The following SLC36A4 variants were observed in gnomAD, a reference collection of about 807,000 sequenced individuals.
SLC36A4 encodes solute carrier family 36 member 4, also known as neutral amino acid uniporter 4.
A neutral mutation model predicts 50.5 loss-of-function variants in SLC36A4; 49 were observed. The ratio of observed to expected loss-of-function variants is 0.97; its 90% CI spans 0.77 to 1.23. SLC36A4 has a LOEUF of 1.23. Among genes scored for constraint, SLC36A4 ranks in the 50% most tolerant of loss-of-function variants. The pLI is 0.00. For missense variants in SLC36A4, 611 were observed against 608.4 expected (o/e 1.00, Z -0.05); for synonymous variants, 207 against 206.5 (o/e 1.00, Z -0.02).
chr11:93,175,335 T>G lies in SLC36A4; in HGVS notation c.540+5462A>C, dbSNP rs1454410406. Among the ~76,000 whole-genome samples, 15 of 150,300 alleles carry G rather than the reference T, an allele frequency of 1.0e-4. No homozygotes were observed. In the East Asian group the frequency reaches 2.6e-3, roughly 26 times the overall value. On this transcript the variant is annotated intron_variant, in intron 6 of 10. Transcript: ENST00000326402. ...TTATTGCGTCTATTTGATTCTTCTC[T>G]CTTTTTTTCTTTATTAGTCTTGCTA... is the stretch of plus-strand genomic sequence containing the variant.
chr11:93,152,089 A>G (rs1447462598), intron 10 of SLC36A4: 1 of 152,112 alleles, frequency 6.6e-6, no homozygotes, highest in Non-Finnish European at 1.5e-5. Flanking sequence ...GACACAACCA[A>G]CATAATCCAA....
At chr11:93,195,828 T>C (rs1237313839) in intron 1 of SLC36A4, among the ~76,000 whole-genome samples, 2 of 152,200 alleles carry the variant, frequency 1.3e-5, no homozygotes, top group Admixed American at 6.5e-5. Flanking sequence ...TTTACTCAAA[T>C]TGTACCTTTT....
At chr11:93,156,344 AT>A (rs979892338) in intron 9 of SLC36A4, among the ~76,000 whole-genome samples, 9 of 148,052 alleles carry the variant, frequency 6.1e-5, no homozygotes, top group Admixed American at 2.0e-4. Flanking sequence ...AATGTTGAGC[AT>A]TTTTTTTTCA....
At chr11:93,158,956 G>A (rs372266097) in intron 9 of SLC36A4, among the ~76,000 whole-genome samples, 8 of 152,050 alleles carry the variant, frequency 5.3e-5, no homozygotes, top group East Asian at 1.9e-4. Context: ...AAAACTCCTC[G>A]CTGCCAAAGC....
chr11:93,150,506 T>C (rs112929044), intron 10 of SLC36A4, among the ~76,000 whole-genome samples: 1,726 of 152,170 alleles, frequency 0.011, 13 homozygotes, highest in Non-Finnish European at 0.018. Flanking sequence ...ATTCAAATTA[T>C]TATGAAAGCT....
At chr11:93,188,409 C>T (rs373715205) in intron 1 of SLC36A4, among the ~76,000 whole-genome samples, 2 of 152,310 alleles carry the variant, frequency 1.3e-5, no homozygotes, top group East Asian at 3.9e-4. Flanking sequence ...AATAACGTAA[C>T]TAATATGTGT....
At chr11:93,162,945 A>G (rs1860697990) in intron 8 of SLC36A4, 70 bp from the exon 9 acceptor site, 29 of 1,448,884 alleles carry the variant, frequency 2.0e-5, no homozygotes. Context: ...TCTCTTATAC[A>G]TACAAATTGG....
intron 6 of SLC36A4, among the ~76,000 whole-genome samples, chr11:93,172,942 G>C (rs1861249708): frequency 6.6e-6 from 1 of 150,958 alleles, no homozygotes; most frequent in South Asian, 2.1e-4. Flanking sequence ...ATGATTTATA[G>C]TCCTTTGGGT....
chr11:93,165,632 G>A (rs1860826206), intron 8 of SLC36A4, among the ~76,000 whole-genome samples: 1 of 151,852 alleles, frequency 6.6e-6, no homozygotes, highest in Non-Finnish European at 1.5e-5. Context: ...ATTTTGTATA[G>A]GTTTGAAATT....
chr11:93,160,564 C>A, intron 9 of SLC36A4: 1 of 985,362 alleles, frequency 1.0e-6, no homozygotes, highest in Non-Finnish European at 1.2e-6. Context: ...GTGTCACCCT[C>A]CAAGATTGAG....
In SLC36A4 at chr11:93,148,495, C is replaced by T; in HGVS notation, c.*42G>A. On this transcript the variant is annotated 3_prime_UTR_variant, in exon 11 of 11. Coordinates refer to ENST00000326402, the MANE Select transcript of SLC36A4 (RefSeq NM_152313.4). ...TTTTACTAGTTATCTTGATAATTTT[C>T]AGAAATGGGACAAAAATAGAAGACT... is the stretch of plus-strand genomic sequence containing the variant. The T allele has an allele frequency of 6.5e-7, 1 of 1,542,880 alleles. No individual in the cohort carries two copies. Among genetic ancestry groups the T allele is most frequent in the Non-Finnish European group, 8.8e-7 (1 of 1,138,996 alleles).
intron 7 of SLC36A4, 87 bp downstream of exon 7, chr11:93,167,857 G>A (rs1373339612): frequency 2.6e-6 from 2 of 767,364 alleles, no homozygotes; most frequent in Non-Finnish European, 4.4e-6. Flanking sequence ...AGGGGTCTTT[G>A]CATATCATTA....
At chr11:93,155,161 T>C (rs1860293228) in intron 9 of SLC36A4, 1 of 152,074 alleles carries the variant, frequency 6.6e-6, no homozygotes, top group Non-Finnish European at 1.5e-5. Flanking sequence ...AAAATTAATA[T>C]GCTGTATTTA....
At chr11:93,184,397 A>G (rs1565236389) in intron 3 of SLC36A4, 33 bp downstream of exon 3, 2 of 1,323,082 alleles carry the variant, frequency 1.5e-6, no homozygotes, top group Non-Finnish European at 2.2e-6. Context: ...TGAGAACTGC[A>G]TCTTAACTGG....
Position 93,163,833 on chromosome 11 carries a change from T to A in SLC36A4, c.868-958A>T, listed in dbSNP as rs192288033. On this transcript the variant is annotated intron_variant, in intron 8 of 10. Coordinates refer to ENST00000326402, the MANE Select transcript of SLC36A4 (RefSeq NM_152313.4). ...TAGCATGACCCTATGTATTTTTTTT[T>A]AAATATTGAATTACAATCCAAAATT... Among the ~76,000 whole-genome samples the A allele has an allele frequency of 8.1e-4, 123 of 151,814 alleles. 5 individuals carry two copies. The highest frequency in any genetic ancestry group is 7.8e-3 in the Admixed American group (119 of 15,232).
intron 9 of SLC36A4, chr11:93,159,731 A>G: frequency 7.7e-6 from 6 of 782,772 alleles, no homozygotes; most frequent in Non-Finnish European, 7.8e-6. Flanking sequence ...AGTATTACTC[A>G]TAACTAATTT....
intron 6 of SLC36A4, among the ~76,000 whole-genome samples, chr11:93,172,418 C>G (rs532980451): frequency 1.5e-4 from 23 of 151,694 alleles, no homozygotes; most frequent in African/African-American, 5.6e-4. Flanking sequence ...CTCTTCCCCC[C>G]AAGTCCCCAA....
At chr11:93,160,234 C>T in intron 9 of SLC36A4, 2 of 985,412 alleles carry the variant, frequency 2.0e-6, no homozygotes, top group African/African-American at 1.7e-5. Flanking sequence ...AGACTATAGG[C>T]TGCATAGGGC....
chr11:93,183,938 T>C (rs1456164885), intron 3 of SLC36A4, among the ~76,000 whole-genome samples: 1 of 152,154 alleles, frequency 6.6e-6, no homozygotes, highest in Non-Finnish European at 1.5e-5. Flanking sequence ...GACCTCGTGA[T>C]CTGCCCACCT....
Sources: gnomAD v4.1 joint callset for allele counts (sites outside exome capture counted in the v4.1 genomes callset) on GRCh38, gnomAD v4.1.1 for gene constraint, MANE v1.5 for transcripts, NCBI Gene and HGNC (gene_info 2026-07-23, HGNC 2026-07-21) for gene names.